The following WNT3 variants were observed in gnomAD, a reference collection of about 807,000 sequenced individuals.
The protein encoded by WNT3 is proto-oncogene Wnt-3.
Under a neutral mutation model 34.2 loss-of-function variants are expected in WNT3, and 7 were observed. The ratio of observed to expected loss-of-function variants is 0.20; its 90% confidence interval spans 0.12 to 0.38. WNT3 has a LOEUF of 0.38. Ranked by LOEUF, WNT3 falls within the 10% of genes least tolerant of loss-of-function variation. WNT3 has a pLI of 1.00. For synonymous variants in WNT3, 212 were observed against 211.5 expected (o/e 1.00, Z -0.02); for missense variants, 267 against 499.8 (o/e 0.53, Z 4.44).
chr17:46,769,509 G>A (rs373509601), intron 3 of WNT3, among the ~76,000 whole-genome samples: 13 of 152,306 alleles, frequency 8.5e-5, no homozygotes, highest in African/African-American at 3.1e-4. Context: ...AAGGTGCACA[G>A]GATGGGTGGT....
chr17:46,789,093 T>G (rs1357750843), intron 1 of WNT3, among the ~76,000 whole-genome samples: 1 of 152,202 alleles, frequency 6.6e-6, no homozygotes, highest in Non-Finnish European at 1.5e-5. Context: ...CCAGGCCTTA[T>G]GCTGGACGCC....
intron 1 of WNT3, among the ~76,000 whole-genome samples, chr17:46,792,402 A>G (rs1026659081): frequency 6.6e-6 from 1 of 152,212 alleles, no homozygotes; most frequent in Admixed American, 6.5e-5. Flanking sequence ...GTAGTGAAGA[A>G]CTTCACCAAT....
intron 1 of WNT3, among the ~76,000 whole-genome samples, chr17:46,815,136 G>A (rs1375546259): frequency 4.6e-5 from 7 of 152,106 alleles, no homozygotes; most frequent in African/African-American, 1.7e-4. Flanking sequence ...AGCAGGTGCT[G>A]GGCTAGGCCC....
chr17:46,790,055 T>A (rs2083961790), intron 1 of WNT3, among the ~76,000 whole-genome samples: 1 of 152,108 alleles, frequency 6.6e-6, no homozygotes, highest in Admixed American at 6.5e-5. Flanking sequence ...TTCAAAGCGC[T>A]GGCTGCCCCT....
chr17:46,785,717 A>C (rs1482110967), intron 1 of WNT3, among the ~76,000 whole-genome samples: 2 of 152,194 alleles, frequency 1.3e-5, no homozygotes, highest in Non-Finnish European at 2.9e-5. Flanking sequence ...GGGAGAAGGA[A>C]AGGGTGCGGG....
chr17:46,801,744 A>G lies in WNT3; in HGVS notation c.80+16774T>C, dbSNP rs187583312. 4.6e-5 allele frequency among the ~76,000 whole-genome samples: 7 copies of G among 152,356 alleles called. No homozygotes were observed. The East Asian group carries it at 1.2e-3, about 25-fold the overall frequency. On this transcript the variant is annotated intron_variant, in intron 1 of 4. Transcript: ENST00000225512. ...AAAACATGGTCCAAGTTTAACAAAA[A>G]GGGACTTGGAGGTAAGTGACCACAG...
intron 1 of WNT3, among the ~76,000 whole-genome samples, chr17:46,799,011 G>A (rs914563663): frequency 2.2e-5 from 3 of 138,360 alleles, no homozygotes; most frequent in Non-Finnish European, 4.5e-5. Context: ...TCACACCACT[G>A]TACTCCAGCC....
chr17:46,814,898 G>C, intron 1 of WNT3, among the ~76,000 whole-genome samples: 1 of 152,190 alleles, frequency 6.6e-6, no homozygotes, highest in Middle Eastern at 3.2e-3. Context: ...TGGGAGGATG[G>C]GTCCTGGGAT....
At chr17:46,789,812 C>T (rs541455140) in intron 1 of WNT3, among the ~76,000 whole-genome samples, 1 of 152,352 alleles carries the variant, frequency 6.6e-6, no homozygotes, top group Non-Finnish European at 1.5e-5. Flanking sequence ...GTGGCAGATG[C>T]GCACGCAGGA....
In WNT3 at chr17:46,805,917, G is replaced by T. The variant is rs368768449; in HGVS notation, c.80+12601C>A. 2.8e-4 allele frequency among the ~76,000 whole-genome samples: 42 copies of T among 152,336 alleles called. No homozygotes were observed. In the East Asian group the frequency reaches 6.9e-3, roughly 25 times the overall value. ...CTTCAGGCAGTTTGTCTCTTGTTTA[G>T]AGCTCTGGGGTTTACCAACCATGGA... On this transcript the variant is annotated intron_variant, in intron 1 of 4. Coordinates refer to ENST00000225512, the MANE Select transcript of WNT3 (RefSeq NM_030753.5).
chr17:46,775,904 C>T (rs545687198), intron 1 of WNT3, among the ~76,000 whole-genome samples: 23 of 152,264 alleles, frequency 1.5e-4, no homozygotes, highest in African/African-American at 4.6e-4. Context: ...CGAGCCACCA[C>T]GCCCGGCCCA....
chr17:46,771,105 C>T (rs868861996), intron 2 of WNT3, among the ~76,000 whole-genome samples: 1 of 152,230 alleles, frequency 6.6e-6, no homozygotes, highest in Non-Finnish European at 1.5e-5. Flanking sequence ...GCCCGGGACC[C>T]CTCTTGGCTC....
intron 1 of WNT3, among the ~76,000 whole-genome samples, chr17:46,783,899 T>C (rs2059481758): frequency 6.6e-6 from 1 of 152,214 alleles, no homozygotes; most frequent in Non-Finnish European, 1.5e-5. Flanking sequence ...GCACCTTCCT[T>C]AGCTGGGCTT....
intron 1 of WNT3, among the ~76,000 whole-genome samples, chr17:46,794,755 T>C (rs1328944134): frequency 7.0e-6 from 1 of 142,652 alleles, no homozygotes; most frequent in Non-Finnish European, 1.5e-5. Flanking sequence ...TCTTTTTCTT[T>C]TTTTTTTTTT....
At chr17:46,787,052 C>T (rs572419153) in intron 1 of WNT3, among the ~76,000 whole-genome samples, 1 of 152,054 alleles carries the variant, frequency 6.6e-6, no homozygotes, top group African/African-American at 2.4e-5. Flanking sequence ...GTCCTTCCAC[C>T]TCAGCCTCCT....
intron 1 of WNT3, among the ~76,000 whole-genome samples, chr17:46,795,335 C>A (rs1425401264): frequency 1.3e-5 from 2 of 152,126 alleles, no homozygotes; most frequent in Non-Finnish European, 2.9e-5. Flanking sequence ...AGAATAAAGC[C>A]CTAGGCAGTG....
At chr17:46,792,236 G>A (rs1357618736) in intron 1 of WNT3, among the ~76,000 whole-genome samples, 1 of 152,202 alleles carries the variant, frequency 6.6e-6, no homozygotes. Context: ...ACCATGGGTG[G>A]GAGGAGGTGT....
At chr17:46,809,582 C>T (rs983149594) in intron 1 of WNT3, among the ~76,000 whole-genome samples, 3 of 152,222 alleles carry the variant, frequency 2.0e-5, no homozygotes, top group African/African-American at 7.2e-5. Flanking sequence ...ATTAGGATTC[C>T]CTGATGACTA....
rs773142859 is a variant in WNT3 at position 46,768,622 on chromosome 17, C to T, written c.766G>A (p.Val256Met). 6.2e-7 allele frequency: 1 copy of T among 1,614,182 alleles called. No homozygotes were observed. Among genetic ancestry groups the T allele is most frequent in the Non-Finnish European group, 8.5e-7 (1 of 1,180,040 alleles). The change falls in exon 4 of 5, where the codon GTG becomes ATG. Residue 256 changes from valine to methionine, a missense_variant. Transcript: ENST00000225512. The surrounding 1 kb of genome is among the most constrained non-coding windows in gnomAD (Gnocchi z 5.0). Reference protein sequence around the residue: ...VEKHRESRGWVETLRAKYSLF... With the variant: ...VEKHRESRGWMETLRAKYSLF... ...GAGTACTTGGCCCGGAGGGTCTCCA[C>T]CCAGCCTCGGGACTCACGGTGCTTC...
Sources: gnomAD v4.1 joint callset for allele counts (sites outside exome capture counted in the v4.1 genomes callset) on GRCh38, gnomAD v4.1.1 for gene constraint, Gnocchi (gnomAD v3.1) non-coding constraint, MANE v1.5 for transcripts, NCBI Gene and HGNC (gene_info 2026-07-23, HGNC 2026-07-21) for gene names.